Variants in TEX9 observed in about 807,000 individuals in gnomAD.
TEX9 encodes the protein testis expressed 9.
TEX9 carries 74 observed loss-of-function variants against 59.6 expected under a neutral mutation model. The observed-to-expected ratio is 1.24, with a 90% confidence interval of 1.03 to 1.51. TEX9 has a LOEUF of 1.51. TEX9 is among the 40% of genes most tolerant of loss of function. The pLI is 0.00. For synonymous variants in TEX9, 186 were observed against 152.2 expected, an observed-to-expected ratio of 1.22 and a Z score of -1.64; for missense variants, 522 against 447.8, an observed-to-expected ratio of 1.17 and a Z score of -1.49.
the TEX9 span, chr15:56,456,577 A>G: frequency 6.4e-7 from 1 of 1,573,256 alleles, no homozygotes; most frequent in Non-Finnish European, 8.6e-7. Flanking sequence ...TTTTTTCATC[A>G]AGGTTGAATT....
At chr15:56,456,182 T>C in the TEX9 span, among the ~76,000 whole-genome samples, 1 of 152,150 alleles carries the variant, frequency 6.6e-6, no homozygotes, top group African/African-American at 2.4e-5. Flanking sequence ...GGGACTGATA[T>C]TTATTTTTCA....
At chr15:56,301,886 A>T (rs1276987880) in intron 1 of TEX9, among the ~76,000 whole-genome samples, 14 of 152,234 alleles carry the variant, frequency 9.2e-5, no homozygotes, top group African/African-American at 1.7e-4. Context: ...GTACAGAGAC[A>T]AACACAGCAT....
intron 1 of TEX9, among the ~76,000 whole-genome samples, chr15:56,319,155 TA>T (rs1171635758): frequency 6.6e-6 from 1 of 152,088 alleles, no homozygotes; most frequent in African/African-American, 2.4e-5. Flanking sequence ...ATTATCACTA[TA>T]AATTTGAGAA....
chr15:56,260,325 A>G (rs1416040461), intron 1 of TEX9, among the ~76,000 whole-genome samples: 8 of 152,032 alleles, frequency 5.3e-5, no homozygotes, highest in African/African-American at 1.9e-4. Context: ...GGAAGAAAGC[A>G]TTCCATATTT....
At chr15:56,330,439 G>T (rs1357743195) in intron 1 of TEX9, among the ~76,000 whole-genome samples, 1 of 152,092 alleles carries the variant, frequency 6.6e-6, no homozygotes, top group African/African-American at 2.4e-5. Context: ...AAGACTAAGT[G>T]ATGAACCAAT....
intron 1 of TEX9, among the ~76,000 whole-genome samples, chr15:56,309,550 G>T (rs1231534747): frequency 1.3e-5 from 2 of 151,976 alleles, no homozygotes; most frequent in Admixed American, 1.3e-4. Flanking sequence ...TCTGGTTTTG[G>T]TATGGTGGTA....
chr15:56,384,377 GT>G (rs1433013379), intron 4 of TEX9, among the ~76,000 whole-genome samples: 1 of 152,140 alleles, frequency 6.6e-6, no homozygotes, highest in African/African-American at 2.4e-5. Flanking sequence ...ATGAACAGAA[GT>G]TTAGTTAATC....
chr15:56,320,560 C>T lies in TEX9; in HGVS notation c.-106-52881C>T, dbSNP rs1329978562. ...ATGCATGAGAGAGATAGGACTCACC[C>T]TGGTGTTGTTTCTTCTAAGGACACT... is the stretch of plus-strand genomic sequence containing the variant. On this transcript the variant is annotated intron_variant, in intron 1 of 5. Coordinates refer to the TEX9 transcript ENST00000560827. Among the ~76,000 whole-genome samples, 4 of 152,230 alleles carry T rather than the reference C, an allele frequency of 2.6e-5. No homozygotes were observed. In the East Asian group the frequency reaches 7.7e-4, roughly 29 times the overall value.
chr15:56,262,538 A>G (rs2044290349), intron 1 of TEX9, among the ~76,000 whole-genome samples: 1 of 152,222 alleles, frequency 6.6e-6, no homozygotes, highest in South Asian at 2.1e-4. Context: ...CTATTTTGAC[A>G]AACATTTTAT....
exon 12 of TEX9, chr15:56,428,452 A>G: frequency 1.3e-6 from 2 of 1,599,732 alleles, no homozygotes; most frequent in Non-Finnish European, 1.7e-6. Flanking sequence ...TAAGTGATCT[A>G]CTTCAGTTAG....
At position 56,428,321 on chromosome 15, in the gene TEX9, C is replaced by G. The variant is rs199949552; in HGVS notation, c.1099-46C>G. ...TACAAACTTCCTGTTGTTTGGTGGCCTACTCTTAATACTAAATCAGACAAT... is the reference window on the plus strand; with the variant it reads ...TACAAACTTCCTGTTGTTTGGTGGCGTACTCTTAATACTAAATCAGACAAT... On this transcript the variant is annotated intron_variant, in intron 11 of 12. Coordinates refer to ENST00000352903, the Ensembl canonical transcript of TEX9. 572 of 1,412,118 alleles carry G rather than the reference C, an allele frequency of 4.1e-4. 2 individuals carry two copies. The highest frequency in any genetic ancestry group is 5.9e-4 in the Admixed American group (35 of 59,042). 87.5% of individuals were successfully genotyped at this position (1,412,118 alleles called of 1,614,324 possible).
In TEX9 at chr15:56,302,320, TACACACACACACAC is replaced by T. The variant is rs56766153; in HGVS notation, c.-107+58071_-107+58084del. The stretch of plus-strand genomic sequence containing the variant: ...CTGGGCAACAGAGCAAGACACTGTT[TACACACACACACAC>T]ACACACACACACACACACACACACA... On this transcript the variant is annotated intron_variant, in intron 1 of 5. Transcript: ENST00000560827. Among the ~76,000 whole-genome samples, 9 of 135,784 alleles carry T rather than the reference TACACACACACACAC, an allele frequency of 6.6e-5. No homozygotes were observed. The South Asian group carries it at 7.8e-4, about 12-fold the overall frequency. The allele number at this position is 135,784 out of a possible 152,430, so 89.1% of individuals were successfully genotyped here.
chr15:56,396,568 G>GTTTTTTTTT (rs11436613), intron 9 of TEX9: 3 of 120,204 alleles, frequency 2.5e-5, no homozygotes, highest in Admixed American at 9.1e-5. Context: ...TTTTGAATCT[G>GTTTTTTTTT]TTTTTTTTTT....
chr15:56,441,945 G>A (rs577718496), intron 12 of TEX9, among the ~76,000 whole-genome samples: 3 of 152,044 alleles, frequency 2.0e-5, no homozygotes, highest in South Asian at 2.1e-4. Context: ...GCGTGAACCC[G>A]GGAGGCATAG....
chr15:56,284,321 G>T (rs2044891312), intron 1 of TEX9, among the ~76,000 whole-genome samples: 1 of 152,164 alleles, frequency 6.6e-6, no homozygotes, highest in South Asian at 2.1e-4. Flanking sequence ...CTATCCTAAA[G>T]AAGTAATCCT....
At chr15:56,433,782 T>C (rs1337367711) in intron 12 of TEX9, among the ~76,000 whole-genome samples, 1 of 152,192 alleles carries the variant, frequency 6.6e-6, no homozygotes, top group East Asian at 1.9e-4. Context: ...TCATGATCTG[T>C]TTCTCTCTCT....
intron 12 of TEX9, among the ~76,000 whole-genome samples, chr15:56,438,867 G>C (rs2050772810): frequency 6.6e-6 from 1 of 152,152 alleles, no homozygotes; most frequent in Non-Finnish European, 1.5e-5. Context: ...AGACATTTAT[G>C]CAGCCAACAG....
At chr15:56,345,506 C>A (rs2046454192) in intron 1 of TEX9, among the ~76,000 whole-genome samples, 1 of 152,160 alleles carries the variant, frequency 6.6e-6, no homozygotes, top group East Asian at 1.9e-4. Context: ...CCAAGCTACA[C>A]TCAAACTCAT....
intron 1 of TEX9, among the ~76,000 whole-genome samples, chr15:56,357,030 A>T (rs1377385477): frequency 6.6e-6 from 1 of 152,098 alleles, no homozygotes; most frequent in East Asian, 1.9e-4. Flanking sequence ...ACTGTCAATA[A>T]AGGAGTCATC....
Sources: gnomAD v4.1 joint callset for allele counts (sites outside exome capture counted in the v4.1 genomes callset) on GRCh38, gnomAD v4.1.1 for gene constraint, MANE v1.5 for transcripts, NCBI Gene and HGNC (gene_info 2026-07-23, HGNC 2026-07-21) for gene names.